Variants in SEMA5A observed in about 807,000 individuals in gnomAD.
SEMA5A encodes semaphorin-5A.
In SEMA5A, 55 loss-of-function variants were observed where a neutral mutation model predicts 135.5. The ratio of observed to expected loss-of-function variants is 0.41; its 90% confidence interval spans 0.33 to 0.51. The LOEUF (loss-of-function observed/expected upper bound fraction) is 0.51, where lower values mean the gene tolerates loss of function less well. SEMA5A is among the 20% of genes least tolerant of loss of function. The pLI is 0.37. For synonymous variants in SEMA5A, 580 were observed against 546.5 expected (o/e 1.06, Z -0.85); for missense variants, 1,290 against 1,419.9 (o/e 0.91, Z 1.47).
intron 15 of SEMA5A, among the ~76,000 whole-genome samples, chr5:9,111,770 C>A (rs1009100172): frequency 6.6e-6 from 1 of 152,128 alleles, no homozygotes; most frequent in South Asian, 2.1e-4. Flanking sequence ...TGTTCAGAGA[C>A]AAAGTGCTTG....
Position 9,221,818 on chromosome 5 carries a change from T to C in SEMA5A, c.646+2856A>G, listed in dbSNP as rs77545472. Among the ~76,000 whole-genome samples, 501 of 152,224 alleles carry C rather than the reference T, an allele frequency of 3.3e-3. 3 individuals are homozygous for C. Among genetic ancestry groups the C allele is most frequent in the African/African-American group, 0.011 (467 of 41,528 alleles). Reference sequence around the variant, plus strand: ...AACCCTTTAGAACCTAACATTTCTCTGTAAAGTAGGAGGAAAGATAAACCC... The same window carrying C: ...AACCCTTTAGAACCTAACATTTCTCCGTAAAGTAGGAGGAAAGATAAACCC... On this transcript the variant is annotated intron_variant, in intron 8 of 22. Transcript: ENST00000382496.
chr5:9,050,352 G>A (rs949680181), intron 21 of SEMA5A, 58 bp downstream of exon 21: 2 of 1,434,108 alleles, frequency 1.4e-6, no homozygotes, highest in Non-Finnish European at 9.5e-7. Flanking sequence ...ATGCAGGAAG[G>A]GAAATGATTA....
intron 1 of SEMA5A, among the ~76,000 whole-genome samples, chr5:9,504,210 C>T (rs1185227989): frequency 2.8e-5 from 3 of 106,286 alleles, no homozygotes; most frequent in African/African-American, 3.8e-5. Context: ...AAGACTCCGT[C>T]TCAAAAAAAA....
chr5:9,171,111 T>G (rs1295082222), intron 11 of SEMA5A, among the ~76,000 whole-genome samples: 1 of 152,322 alleles, frequency 6.6e-6, no homozygotes, highest in East Asian at 1.9e-4. Context: ...TGCCTACACC[T>G]CCATCAATCC....
intron 3 of SEMA5A, among the ~76,000 whole-genome samples, chr5:9,359,341 T>G (rs1754591584): frequency 6.6e-6 from 1 of 152,236 alleles, no homozygotes. Context: ...AAAGACTGAA[T>G]GGCATACTGT....
At chr5:9,251,247 T>C (rs1402178603) in intron 5 of SEMA5A, among the ~76,000 whole-genome samples, 1 of 152,160 alleles carries the variant, frequency 6.6e-6, no homozygotes, top group African/African-American at 2.4e-5. Context: ...ATGAGTCAAA[T>C]AACCTAATAT....
chr5:9,310,902 ATC>A (rs575697601), intron 5 of SEMA5A, among the ~76,000 whole-genome samples: 110 of 151,176 alleles, frequency 7.3e-4, no homozygotes, highest in African/African-American at 2.5e-3. Flanking sequence ...ACACATATGA[ATC>A]TTTAGTGTTT....
chr5:9,337,299 G>A (rs1753432246), intron 4 of SEMA5A, among the ~76,000 whole-genome samples: 2 of 152,226 alleles, frequency 1.3e-5, no homozygotes, highest in Non-Finnish European at 2.9e-5. Flanking sequence ...TGGGAAGTCA[G>A]GAACATGTTT....
At chr5:9,109,979 G>T (rs191993470) in intron 15 of SEMA5A, among the ~76,000 whole-genome samples, 16 of 152,272 alleles carry the variant, frequency 1.1e-4, no homozygotes, top group African/African-American at 3.9e-4. Context: ...CATGGGGAAT[G>T]TGTGGGCTTC....
chr5:9,118,941 G>T, intron 15 of SEMA5A, 57 bp downstream of exon 15: 2 of 1,585,106 alleles, frequency 1.3e-6, no homozygotes, highest in Non-Finnish European at 1.7e-6. Flanking sequence ...AACTCGACCT[G>T]GCCGGAATGA....
intron 16 of SEMA5A, among the ~76,000 whole-genome samples, chr5:9,093,639 G>A (rs556917889): frequency 2.8e-4 from 43 of 152,172 alleles, no homozygotes; most frequent in African/African-American, 8.4e-4. Flanking sequence ...CTCGTGAGGC[G>A]GAGCTTGCAG....
rs534017653 is a variant in SEMA5A, at chr5:9,503,430, T to A, written c.-175+42154A>T. ...GGTGGTGTCCTAGAGACTATCTATT[T>A]CCATGAAAAGCTCCCAGTGAGTTAA... On this transcript the variant is annotated intron_variant, in intron 1 of 22. Transcript: ENST00000382496. Among the ~76,000 whole-genome samples the A allele has an allele frequency of 2.6e-5, 4 of 152,306 alleles. No homozygotes were observed. The Middle Eastern group carries it at 0.01, about 389-fold the overall frequency.
chr5:9,253,239 C>T lies in SEMA5A; in HGVS notation c.271-15349G>A, dbSNP rs577437216. Among the ~76,000 whole-genome samples, 19 of 152,234 alleles carry T rather than the reference C, an allele frequency of 1.2e-4. 1 individual carries two copies. The South Asian group carries it at 3.9e-3, about 32-fold the overall frequency. On this transcript the variant is annotated intron_variant, in intron 5 of 22. Coordinates refer to ENST00000382496, the MANE Select transcript of SEMA5A (RefSeq NM_003966.3). ...CCTAATGCTTCAAGCTCTTATTAGG[C>T]TGAATAATTAAGAAAACTATTTTTT...
chr5:9,076,144 G>T (rs1354652684), intron 16 of SEMA5A, among the ~76,000 whole-genome samples: 2 of 146,270 alleles, frequency 1.4e-5, no homozygotes, highest in Non-Finnish European at 3.0e-5. Flanking sequence ...AGCGGAGATT[G>T]CAGTAAGCCG....
At chr5:9,197,447 G>T in intron 9 of SEMA5A, 144 bp from the exon 10 acceptor site, 1 of 994,760 alleles carries the variant, frequency 1.0e-6, no homozygotes, top group Non-Finnish European at 1.4e-6. Flanking sequence ...AAAGGATGAA[G>T]TCAGAGCGTG....
At chr5:9,538,749 T>TA (rs1255582681) in intron 1 of SEMA5A, among the ~76,000 whole-genome samples, 2 of 152,210 alleles carry the variant, frequency 1.3e-5, no homozygotes, top group African/African-American at 4.8e-5. Flanking sequence ...ACAGCTCAGA[T>TA]AGACTTCCCA....
At chr5:9,512,218 T>C (rs1383182894) in intron 1 of SEMA5A, among the ~76,000 whole-genome samples, 1 of 152,226 alleles carries the variant, frequency 6.6e-6, no homozygotes, top group Non-Finnish European at 1.5e-5. Flanking sequence ...CATCCATACA[T>C]AAAAAAGCGT....
chr5:9,183,073 G>T (rs1027583776), intron 11 of SEMA5A, among the ~76,000 whole-genome samples: 1 of 152,110 alleles, frequency 6.6e-6, no homozygotes, highest in East Asian at 1.9e-4. Context: ...AAAACAGAGG[G>T]AAGGATTCAA....
chr5:9,198,908 A>C (rs934181499), intron 9 of SEMA5A, among the ~76,000 whole-genome samples: 1 of 152,042 alleles, frequency 6.6e-6, no homozygotes, highest in Non-Finnish European at 1.5e-5. Flanking sequence ...GAATAATAAC[A>C]ATATTTCCCT....
Sources: allele counts gnomAD v4.1 joint callset (sites outside exome capture counted in the v4.1 genomes callset), GRCh38; gene constraint gnomAD v4.1.1; transcripts MANE v1.5; gene names NCBI Gene and HGNC (gene_info 2026-07-23, HGNC 2026-07-21).